The following PCDHA6 variants were observed in gnomAD, a reference collection of about 807,000 sequenced individuals.
The protein encoded by PCDHA6 is protocadherin alpha-6.
PCDHA6 carries 55 observed loss-of-function variants against 60.3 expected under a neutral mutation model. The ratio of observed to expected loss-of-function variants is 0.91; its 90% confidence interval spans 0.73 to 1.14. The LOEUF (loss-of-function observed/expected upper bound fraction) is 1.14, where lower values mean the gene tolerates loss of function less well. PCDHA6 is among the 50% of genes most tolerant of loss of function. PCDHA6 has a pLI of 0.00. For missense variants in PCDHA6, 1,327 were observed against 1,256.5 expected (o/e 1.06, Z -0.85); for synonymous variants, 652 against 557.9 (o/e 1.17, Z -2.38).
intron 3 of PCDHA6, among the ~76,000 whole-genome samples, chr5:140,986,890 G>A (rs965456573): frequency 6.6e-6 from 1 of 152,124 alleles, no homozygotes; most frequent in Non-Finnish European, 1.5e-5. Flanking sequence ...CAAATTCTTA[G>A]GCCCTATCCT....
In PCDHA6 at chr5:140,965,644, G is replaced by C. The variant is rs201197561; in HGVS notation, c.2395-13305G>C. On this transcript the variant is annotated intron_variant, in intron 1 of 3. Transcript: ENST00000529310. Reference sequence around the variant, plus strand: ...AAAGAAAAAATTTTAAATTACTCTTGAAAGAAAATGTCTTGGGTGATAAAT... The same window carrying C: ...AAAGAAAAAATTTTAAATTACTCTTCAAAGAAAATGTCTTGGGTGATAAAT... Among the ~76,000 whole-genome samples, 13 of 152,146 alleles carry C rather than the reference G, an allele frequency of 8.5e-5. No individual in the cohort carries two copies. The East Asian group carries it at 2.5e-3, about 29-fold the overall frequency.
At chr5:141,006,553 G>A (rs1554260809) in intron 3 of PCDHA6, among the ~76,000 whole-genome samples, 1 of 152,168 alleles carries the variant, frequency 6.6e-6, no homozygotes, top group African/African-American at 2.4e-5. Context: ...AAGAAATAAA[G>A]ATGACTCTGG....
intron 1 of PCDHA6, among the ~76,000 whole-genome samples, chr5:140,963,550 A>G (rs1484541648): frequency 6.6e-6 from 1 of 152,202 alleles, no homozygotes; most frequent in Non-Finnish European, 1.5e-5. Context: ...TGATATAAAA[A>G]GGGGCTGTTT....
At position 140,829,352 on chromosome 5, in the gene PCDHA6, T is replaced by C. The variant is rs2150166449; in HGVS notation, c.1261T>C (p.Tyr421His). ...SALDRESVSA[Y>H]ELVVTARDGG... ...CCTGGACCGCGAGAGCGTGTCGGCC[T>C]ATGAGTTGGTGGTAACCGCGCGGGA... is the stretch of plus-strand genomic sequence containing the variant. Residue 421 changes from tyrosine (Y) to histidine (H), a missense_variant, in exon 1 of 4, where the codon TAT becomes CAT. By Grantham distance (83) the Tyr-to-His change is moderately conservative. Coordinates refer to ENST00000529310, the MANE Select transcript of PCDHA6 (RefSeq NM_018909.4). The C allele has an allele frequency of 6.2e-7, 1 of 1,614,230 alleles. No individual in the cohort carries two copies. Among genetic ancestry groups the C allele is most frequent in the Non-Finnish European group, 8.5e-7 (1 of 1,180,050 alleles).
intron 1 of PCDHA6, among the ~76,000 whole-genome samples, chr5:140,922,635 C>G (rs1403011776): frequency 6.6e-6 from 1 of 152,118 alleles, no homozygotes; most frequent in Non-Finnish European, 1.5e-5. Context: ...ATAAGCCACT[C>G]CATCAAACAG....
rs1554136884 is a variant in PCDHA6, at chr5:140,838,094, G to A, written c.2394+7609G>A. 2.8e-5 allele frequency among the ~76,000 whole-genome samples: 4 copies of A among 144,632 alleles called. 1 individual carries two copies. The highest frequency in any genetic ancestry group is 1.0e-4 in the African/African-American group (4 of 38,254). 94.9% of individuals were successfully genotyped at this position (144,632 alleles called of 152,430 possible). A position where few individuals can be genotyped will look rare whatever the true frequency, so the allele number is the denominator to read the frequency against. On this transcript the variant is annotated intron_variant, in intron 1 of 3. Transcript: ENST00000529310. ...ATATATATAGTGTGTGTGTGTGTGTGTGTGTGTGTGTGTGTGTGTGTGTGT... is the reference window on the plus strand; with the variant it reads ...ATATATATAGTGTGTGTGTGTGTGTATGTGTGTGTGTGTGTGTGTGTGTGT...
chr5:140,830,258 T>G lies in PCDHA6; in HGVS notation c.2167T>G (p.Cys723Gly). Residue 723 changes from cysteine to glycine, a missense_variant, in exon 1 of 4, where the codon TGC becomes GGC. Transcript: ENST00000529310. ...LTLLLYTALR[C>G]SAPPTEGACT... ...GCTACTGCTGTACACAGCGCTGCGG[T>G]GCTCGGCGCCACCCACCGAGGGCGC... is the stretch of plus-strand genomic sequence containing the variant. The G allele has an allele frequency of 6.2e-7, 1 of 1,613,620 alleles. No individual in the cohort carries two copies. Among genetic ancestry groups the G allele is most frequent in the Non-Finnish European group, 8.5e-7 (1 of 1,179,692 alleles).
chr5:140,936,003 C>T (rs1362734996), intron 1 of PCDHA6, among the ~76,000 whole-genome samples: 22 of 151,556 alleles, frequency 1.5e-4, no homozygotes, highest in Non-Finnish European at 1.5e-4. Context: ...AGCGATTCTC[C>T]CACCTCAGCC....
intron 1 of PCDHA6, chr5:140,852,246 CTT>C (rs1364833790): frequency 5.5e-6 from 3 of 546,116 alleles, no homozygotes; most frequent in Admixed American, 6.5e-5. Context: ...TTAAAACACA[CTT>C]TTGGAATATG....
chr5:140,862,359 C>A lies in PCDHA6; in HGVS notation c.2394+31874C>A, dbSNP rs1364549064. ...CCTAACTTCAGTGCCAAGGGACAGA[C>A]GACCCGCACCCTGACTCCTCACGTC... On this transcript the variant is annotated intron_variant, in intron 1 of 3. Coordinates refer to ENST00000529310, the MANE Select transcript of PCDHA6 (RefSeq NM_018909.4). 17 of 337,738 alleles carry A rather than the reference C, an allele frequency of 5.0e-5. No individual in the cohort carries two copies. In the East Asian group the frequency reaches 1.2e-3, roughly 24 times the overall value. The allele number at this position is 337,738 out of a possible 1,614,324, so 20.9% of individuals were successfully genotyped here.
chr5:140,892,498 T>G (rs937078713), intron 1 of PCDHA6, among the ~76,000 whole-genome samples: 3 of 152,232 alleles, frequency 2.0e-5, no homozygotes, highest in Non-Finnish European at 4.4e-5. Flanking sequence ...AGAGATTGTT[T>G]AAGAAGTTCC....
At chr5:140,985,690 C>G (rs752184454) in intron 3 of PCDHA6, among the ~76,000 whole-genome samples, 1 of 151,742 alleles carries the variant, frequency 6.6e-6, no homozygotes, top group Admixed American at 6.6e-5. Flanking sequence ...TACGCTAATC[C>G]TCGTTCATAT....
intron 1 of PCDHA6, among the ~76,000 whole-genome samples, chr5:140,881,035 C>T (rs563210273): frequency 6.6e-6 from 1 of 152,186 alleles, no homozygotes; most frequent in African/African-American, 2.4e-5. Context: ...CAGTCATTTC[C>T]TATAGAGTTG....
chr5:140,978,849 T>C, intron 1 of PCDHA6, 100 bp from the exon 2 acceptor site: 7 of 1,577,036 alleles, frequency 4.4e-6, no homozygotes, highest in Non-Finnish European at 5.2e-6. Flanking sequence ...CTTTTTTAGA[T>C]GCCTGGAAAT....
intron 2 of PCDHA6, among the ~76,000 whole-genome samples, chr5:140,980,258 G>A (rs2096882497): frequency 6.6e-6 from 1 of 152,164 alleles, no homozygotes; most frequent in Non-Finnish European, 1.5e-5. Context: ...GTAAAAGCAT[G>A]GTTTACAGTA....
chr5:140,851,414 T>G lies in PCDHA6; in HGVS notation c.2394+20929T>G, dbSNP rs1459113543. ...TCTATTATTTTAATAAGAAAGAAAC[T>G]TCCCCTAAACTTTAGAAAACAGTTG... On this transcript the variant is annotated intron_variant, in intron 1 of 3. Transcript: ENST00000529310. 11 of 961,418 alleles carry G rather than the reference T, an allele frequency of 1.1e-5. No individual in the cohort carries two copies. In the East Asian group the frequency reaches 1.2e-3, roughly 108 times the overall value. 59.6% of individuals were successfully genotyped at this position (961,418 alleles called of 1,614,324 possible). A position where few individuals can be genotyped will look rare whatever the true frequency, so the allele number is the denominator to read the frequency against.
At chr5:140,994,288 C>G (rs2097610720) in intron 3 of PCDHA6, among the ~76,000 whole-genome samples, 4 of 152,150 alleles carry the variant, frequency 2.6e-5, no homozygotes, top group Admixed American at 6.5e-5. Flanking sequence ...TGAGACAGTC[C>G]CCAGATTGTT....
rs529433053 is a variant in PCDHA6 at position 140,985,961 on chromosome 5, A to C, written c.2542+3398A>C. Among the ~76,000 whole-genome samples, 18 of 151,982 alleles carry C rather than the reference A, an allele frequency of 1.2e-4. 1 individual carries two copies. In the South Asian group the frequency reaches 3.3e-3, roughly 28 times the overall value. On this transcript the variant is annotated intron_variant, in intron 3 of 3. Transcript: ENST00000529310. Reference sequence around the variant, plus strand: ...TCACTGTGTTAGCCAGGATGGTCTCAATCTCCTGACCTCGTGATCCGCCCA... The same window carrying C: ...TCACTGTGTTAGCCAGGATGGTCTCCATCTCCTGACCTCGTGATCCGCCCA...
chr5:140,886,458 T>G (rs888629917), intron 1 of PCDHA6, among the ~76,000 whole-genome samples: 1 of 152,174 alleles, frequency 6.6e-6, no homozygotes, highest in Non-Finnish European at 1.5e-5. Flanking sequence ...TTGTCATATA[T>G]AAATGTTTTT....
Sources: gnomAD v4.1 joint callset for allele counts (sites outside exome capture counted in the v4.1 genomes callset) on GRCh38, gnomAD v4.1.1 for gene constraint, MANE v1.5 for transcripts, NCBI Gene and HGNC (gene_info 2026-07-23, HGNC 2026-07-21) for gene names.